Variants in ALPK3 observed in about 807,000 individuals in gnomAD.
The protein encoded by ALPK3 is alpha kinase 3.
A neutral mutation model predicts 140.0 loss-of-function variants in ALPK3; 102 were observed. That is an observed-to-expected ratio of 0.73 (90% CI 0.62 to 0.86). The LOEUF (loss-of-function observed/expected upper bound fraction) is 0.86, where lower values mean the gene tolerates loss of function less well. Among genes scored for constraint, ALPK3 ranks in the 40% least tolerant of loss-of-function variants. ALPK3 has a pLI of 0.00. For missense variants in ALPK3, 2,254 were observed against 2,208.2 expected (o/e 1.02, Z -0.42); for synonymous variants, 938 against 898.5 (o/e 1.04, Z -0.79).
At chr15:84,834,137 G>A (rs1268482841) in intron 3 of ALPK3, among the ~76,000 whole-genome samples, 2 of 152,084 alleles carry the variant, frequency 1.3e-5, no homozygotes, top group Non-Finnish European at 2.9e-5. Flanking sequence ...AATGACTGTT[G>A]GAAGCAAAAA....
At position 84,839,886 on chromosome 15, in the gene ALPK3, G is replaced by A. The variant is rs765142581; in HGVS notation, c.607G>A (p.Glu203Lys). 12 of 1,613,844 alleles carry A rather than the reference G, an allele frequency of 7.4e-6. No individual in the cohort carries two copies. Among genetic ancestry groups the A allele is most frequent in the Admixed American group, 3.3e-5 (2 of 60,016 alleles). ...LREIEQSWKH[E>K]KAVPGEVDTL... Reference sequence around the variant, plus strand: ...CGAGATCGAGCAGAGCTGGAAGCACGAGAAGGCGGTGCCTGGGGAGGTCGA... The same window carrying A: ...CGAGATCGAGCAGAGCTGGAAGCACAAGAAGGCGGTGCCTGGGGAGGTCGA... The change falls in exon 5 of 14, where the codon GAG becomes AAG. Residue 203 changes from glutamate to lysine, a missense_variant. Glu to Lys is a moderately conservative substitution (Grantham distance 56, BLOSUM62 1). Around this residue, in one of 3 missense-constraint regions of ALPK3, gnomAD observed 2,088 missense variants for 2,022.9 expected, o/e 1.03. Transcript: ENST00000258888.
At chr15:84,830,259 TA>T (rs1448528292) in intron 3 of ALPK3, among the ~76,000 whole-genome samples, 3 of 144,032 alleles carry the variant, frequency 2.1e-5, no homozygotes, top group African/African-American at 7.3e-5. Flanking sequence ...ATTCTTCTTT[TA>T]TCTGAACTGC....
intron 5 of ALPK3, among the ~76,000 whole-genome samples, chr15:84,852,187 T>A (rs576529614): frequency 6.6e-6 from 1 of 152,308 alleles, no homozygotes; most frequent in Non-Finnish European, 1.5e-5. Flanking sequence ...TATGCCAGTA[T>A]CACTACTCTT....
chr15:84,863,393 G>T, intron 10 of ALPK3, 159 bp from the exon 11 acceptor site: 1 of 617,022 alleles, frequency 1.6e-6, no homozygotes, highest in Non-Finnish European at 2.8e-6. Flanking sequence ...AAAATGAGAT[G>T]CAGAGTGGGG....
At position 84,868,514 on chromosome 15, in the gene ALPK3, A is replaced by G. The variant is rs1964030887; in HGVS notation, c.*58A>G. 6 of 1,474,490 alleles carry G rather than the reference A, an allele frequency of 4.1e-6. No homozygotes were observed. The highest frequency in any genetic ancestry group is 4.6e-6 in the Non-Finnish European group (5 of 1,098,508). The allele number at this position is 1,474,490 out of a possible 1,614,324, so 91.3% of individuals were successfully genotyped here. On this transcript the variant is annotated 3_prime_UTR_variant, in exon 14 of 14. Coordinates refer to ENST00000258888, the MANE Select transcript of ALPK3 (RefSeq NM_020778.5). ...GCAGACCAACCAGGAAGCAGCTTGAACTGGATGGAGACTTTCCAAATATGG... is the reference window on the plus strand; with the variant it reads ...GCAGACCAACCAGGAAGCAGCTTGAGCTGGATGGAGACTTTCCAAATATGG...
In ALPK3 at chr15:84,839,753, G is replaced by A. The variant is rs1247552007; in HGVS notation, c.474G>A (p.Lys158=). 4 of 1,614,010 alleles carry A rather than the reference G, an allele frequency of 2.5e-6. No homozygotes were observed. Among genetic ancestry groups the A allele is most frequent in the Middle Eastern group, 3.3e-4 (2 of 6,084 alleles). The stretch of plus-strand genomic sequence containing the variant: ...ACCAGGCCTCTGCCCAGAACAGCAA[G>A]GGCATTGTGTCCTGCTCAGGGGTCC... ...AIYQASAQNS[K]GIVSCSGVLE... The change falls in exon 5 of 14, where the codon AAG becomes AAA. Residue 158 remains lysine (K), a synonymous_variant. Coordinates refer to ENST00000258888, the MANE Select transcript of ALPK3 (RefSeq NM_020778.5).
intron 7 of ALPK3, 68 bp downstream of exon 7, chr15:84,859,458 C>T (rs1963914110): frequency 1.9e-6 from 3 of 1,579,474 alleles, no homozygotes; most frequent in Middle Eastern, 1.7e-4. Context: ...GGGCACTGTC[C>T]TAGTGCTTTG....
intron 9 of ALPK3, among the ~76,000 whole-genome samples, chr15:84,862,133 A>G (rs960639792): frequency 6.6e-6 from 1 of 152,074 alleles, no homozygotes; most frequent in South Asian, 2.1e-4. Context: ...CTTTAATGGG[A>G]AATTATATTT....
chr15:84,855,296 C>T (rs1453387840), intron 5 of ALPK3, among the ~76,000 whole-genome samples: 1 of 152,216 alleles, frequency 6.6e-6, no homozygotes, highest in Non-Finnish European at 1.5e-5. Context: ...AACAGCTCCA[C>T]TCTCCTCCCG....
Position 84,857,014 on chromosome 15 carries a change from C to T in ALPK3, c.2276C>T (p.Thr759Ile), listed in dbSNP as rs1963870939. 1.9e-6 allele frequency: 3 copies of T among 1,614,012 alleles called. No individual in the cohort carries two copies. In the African/African-American group the frequency reaches 4.0e-5, roughly 22 times the overall value. The change falls in exon 6 of 14, where the codon ACC becomes ATC. Residue 759 changes from threonine (T) to isoleucine (I), a missense_variant. Physicochemically the swap from Thr to Ile is moderately conservative, Grantham distance 89. Coordinates refer to ENST00000258888, the MANE Select transcript of ALPK3 (RefSeq NM_020778.5). ...APLNIECFVQTPEGSCFPKKP... is the reference protein window; with the variant it reads ...APLNIECFVQIPEGSCFPKKP... ...CTGAATATTGAATGTTTTGTACAGA[C>T]CCCAGAAGGGTCTTGTTTCCCAAAA...
At chr15:84,829,594 T>C (rs1963523680) in intron 3 of ALPK3, among the ~76,000 whole-genome samples, 2 of 152,148 alleles carry the variant, frequency 1.3e-5, no homozygotes, top group African/African-American at 4.8e-5. Flanking sequence ...CTAAGCATGT[T>C]CTGGGTGGTC....
chr15:84,865,239 T>C (rs1486163002), intron 12 of ALPK3, among the ~76,000 whole-genome samples: 1 of 152,102 alleles, frequency 6.6e-6, no homozygotes, highest in Non-Finnish European at 1.5e-5. Context: ...CAACCAGCTC[T>C]CTGCAGGCCT....
At chr15:84,866,869 C>T (rs1035427611) in intron 12 of ALPK3, among the ~76,000 whole-genome samples, 1 of 152,132 alleles carries the variant, frequency 6.6e-6, no homozygotes, top group Non-Finnish European at 1.5e-5. Context: ...AGGTTGTGAC[C>T]TGGTCTGATC....
Position 84,817,478 on chromosome 15 carries a change from G to T in ALPK3, c.26G>T (p.Arg9Leu). Residue 9 changes from arginine (R) to leucine (L), a missense_variant, in exon 1 of 14, where the codon CGG (arginine) becomes CTG (leucine). Coordinates refer to ENST00000258888, the MANE Select transcript of ALPK3 (RefSeq NM_020778.5). MGSRRAPS[R>L]GWGAGGRSGA... is the part of the protein sequence containing the mutation. Reference sequence around the variant, plus strand: ...ATGGGGTCGCGGAGGGCCCCCAGCCGGGGCTGGGGCGCGGGTGGGCGGTCG... The same window carrying T: ...ATGGGGTCGCGGAGGGCCCCCAGCCTGGGCTGGGGCGCGGGTGGGCGGTCG... 7.2e-7 allele frequency: 1 copy of T among 1,392,760 alleles called. No homozygotes were observed. Among genetic ancestry groups the T allele is most frequent in the Non-Finnish European group, 9.3e-7 (1 of 1,080,514 alleles). The allele number at this position is 1,392,760 out of a possible 1,614,324, so 86.3% of individuals were successfully genotyped here.
intron 1 of ALPK3, 37 bp downstream of exon 1, chr15:84,817,632 G>A (rs891214850): frequency 3.5e-5 from 51 of 1,466,612 alleles, no homozygotes; most frequent in Non-Finnish European, 3.5e-5. Context: ...CGTCGGGCCG[G>A]CGATGCCCTG....
intron 1 of ALPK3, among the ~76,000 whole-genome samples, chr15:84,820,269 A>G (rs781353700): frequency 3.3e-5 from 5 of 152,136 alleles, no homozygotes; most frequent in Non-Finnish European, 7.3e-5. Flanking sequence ...CTATGATGTT[A>G]CTACAGACAG....
At position 84,823,315 on chromosome 15, in the gene ALPK3, G is replaced by T. The variant is rs998807667; in HGVS notation, c.144-15G>T. On this transcript the variant is annotated splice_polypyrimidine_tract_variant and intron_variant, in intron 1 of 13. Transcript: ENST00000258888. ...CTTTTTTGGCCTAATGATTCCATTTGCTGTTTTTGCTTAGCTTATCAAGCA... is the reference window on the plus strand; with the variant it reads ...CTTTTTTGGCCTAATGATTCCATTTTCTGTTTTTGCTTAGCTTATCAAGCA... The T allele has an allele frequency of 2.5e-6, 4 of 1,614,002 alleles. No homozygotes were observed. The highest frequency in any genetic ancestry group is 3.4e-6 in the Non-Finnish European group (4 of 1,180,006).
chr15:84,817,830 A>C (rs1479818166), intron 1 of ALPK3, among the ~76,000 whole-genome samples: 18 of 152,172 alleles, frequency 1.2e-4, no homozygotes, highest in Non-Finnish European at 1.0e-4. Flanking sequence ...AAGAGAGGAC[A>C]AAGGCTCCAC....
chr15:84,867,248 C>T, intron 12 of ALPK3, 69 bp from the exon 13 acceptor site: 5 of 1,541,208 alleles, frequency 3.2e-6, no homozygotes, highest in Non-Finnish European at 4.4e-6. Flanking sequence ...AGTATATCTT[C>T]CTGCTGGAGA....
Sources: gnomAD v4.1 joint callset for allele counts (sites outside exome capture counted in the v4.1 genomes callset) on GRCh38, gnomAD v4.1.1 for gene constraint, gnomAD v4.1.1 regional missense constraint, MANE v1.5 for transcripts, NCBI Gene and HGNC (gene_info 2026-07-23, HGNC 2026-07-21) for gene names.